SDC3: variants seen among roughly 807,000 people sequenced by gnomAD.
The protein encoded by SDC3 is syndecan 3.
A neutral mutation model predicts 24.4 loss-of-function variants in SDC3; 13 were observed. That is an observed-to-expected ratio of 0.53 (90% CI 0.35 to 0.85). The LOEUF (loss-of-function observed/expected upper bound fraction) is 0.85. Among genes scored for constraint, SDC3 ranks in the 40% least tolerant of loss-of-function variants. The pLI is 0.01. For synonymous variants in SDC3, 295 were observed against 260.9 expected, an observed-to-expected ratio of 1.13 and a Z score of -1.26; for missense variants, 571 against 584.5, an observed-to-expected ratio of 0.98 and a Z score of 0.24.
chr1:30,905,049 GTGGTGTC>G (rs1309422298), intron 1 of SDC3, among the ~76,000 whole-genome samples: 11 of 152,298 alleles, frequency 7.2e-5, no homozygotes, highest in Admixed American at 2.6e-4. Flanking sequence ...GCATACAGCT[GTGGTGTC>G]CCTGTGCCTG....
chr1:30,881,024 C>T (rs1182612096), intron 1 of SDC3, among the ~76,000 whole-genome samples: 1 of 147,678 alleles, frequency 6.8e-6, no homozygotes, highest in Admixed American at 6.7e-5. Flanking sequence ...CGCGCGCACG[C>T]ATGCACACAC....
chr1:30,876,788 G>A lies in SDC3; in HGVS notation c.634C>T (p.Leu212=). 6.3e-7 allele frequency: 1 copy of A among 1,595,684 alleles called. No homozygotes were observed. Among genetic ancestry groups the A allele is most frequent in the Non-Finnish European group, 8.6e-7 (1 of 1,169,384 alleles). The change falls in exon 3 of 5, where the codon CTG becomes TTG. Residue 212 remains leucine, a synonymous_variant. Coordinates refer to ENST00000339394, the MANE Select transcript of SDC3 (RefSeq NM_014654.4). ...GCCACTGTGGTCAGTGGGAGAGGCA[G>A]AAGCCTCCGTACGCCAGTGGTCCTT... The part of the protein sequence containing the change: ...VIRTTGVRRL[L]PLPLTTVATA...
At chr1:30,898,242 C>A (rs34418949) in intron 1 of SDC3, among the ~76,000 whole-genome samples, 4 of 152,136 alleles carry the variant, frequency 2.6e-5, no homozygotes, top group African/African-American at 4.8e-5. Flanking sequence ...TGATATACTG[C>A]GACCTTCCCC....
intron 1 of SDC3, among the ~76,000 whole-genome samples, chr1:30,892,094 C>T (rs1265762203): frequency 6.6e-6 from 1 of 151,724 alleles, no homozygotes; most frequent in Non-Finnish European, 1.5e-5. Flanking sequence ...CCCTTCTCCA[C>T]ACAGCTACAG....
chr1:30,877,694 T>A (rs1241960808), intron 2 of SDC3: 1 of 161,092 alleles, frequency 6.2e-6, no homozygotes, highest in Non-Finnish European at 1.3e-5. Flanking sequence ...GCCGGGACAG[T>A]GAAGGAACTT....
intron 1 of SDC3, among the ~76,000 whole-genome samples, chr1:30,893,303 G>GCCCCCCCCCCCC (rs59392837): frequency 1.5e-4 from 2 of 13,522 alleles, no homozygotes; most frequent in Admixed American, 9.9e-4. Context: ...CCCACCAGGA[G>GCCCCCCCCCCCC]CCCCCCCCCC....
rs1211347831 is a variant in SDC3 at position 30,891,832 on chromosome 1, G to T, written c.139-13092C>A. 4.1e-5 allele frequency among the ~76,000 whole-genome samples: 6 copies of T among 145,102 alleles called. No individual in the cohort carries two copies. The South Asian group carries it at 1.3e-3, about 32-fold the overall frequency. The stretch of plus-strand genomic sequence containing the variant: ...CACGCCACTGCACTCCAGCCTGGGC[G>T]ACACAGTGAGACGCCGTCAAAAAAA... On this transcript the variant is annotated intron_variant, in intron 1 of 4. Coordinates refer to ENST00000339394, the MANE Select transcript of SDC3 (RefSeq NM_014654.4).
intron 1 of SDC3, among the ~76,000 whole-genome samples, chr1:30,885,959 C>G (rs1279216232): frequency 6.6e-6 from 1 of 152,216 alleles, no homozygotes; most frequent in African/African-American, 2.4e-5. Flanking sequence ...ACCGCCCCAT[C>G]AATCCCAGCC....
At chr1:30,905,774 G>A (rs566617941) in intron 1 of SDC3, among the ~76,000 whole-genome samples, 1 of 152,220 alleles carries the variant, frequency 6.6e-6, no homozygotes, top group Non-Finnish European at 1.5e-5. Flanking sequence ...TAGCTGAGGT[G>A]GCCTTAAAGG....
intron 1 of SDC3, among the ~76,000 whole-genome samples, chr1:30,889,712 G>A (rs936855673): frequency 6.6e-5 from 10 of 152,200 alleles, no homozygotes; most frequent in African/African-American, 1.7e-4. Flanking sequence ...AAGCGTTGGC[G>A]AGGACGTGGG....
At chr1:30,881,759 C>G (rs1341750455) in intron 1 of SDC3, among the ~76,000 whole-genome samples, 3 of 152,176 alleles carry the variant, frequency 2.0e-5, no homozygotes, top group Admixed American at 2.0e-4. Flanking sequence ...TCACAACTGC[C>G]CAGGGTTTTA....
chr1:30,903,595 C>T (rs1361148680), intron 1 of SDC3, among the ~76,000 whole-genome samples: 1 of 152,096 alleles, frequency 6.6e-6, no homozygotes, highest in Non-Finnish European at 1.5e-5. Context: ...TGGCCAATCC[C>T]TCCCACAGGG....
chr1:30,899,886 A>G lies in SDC3; in HGVS notation c.138+8563T>C, dbSNP rs538515807. On this transcript the variant is annotated intron_variant, in intron 1 of 4. Transcript: ENST00000339394. ...TGACAGCCCCCTTGCACAGGGCTTC[A>G]TATACAGCAGGTGCTTAGTAAATGT... Among the ~76,000 whole-genome samples, 89 of 152,338 alleles carry G rather than the reference A, an allele frequency of 5.8e-4. 2 individuals are homozygous for G. The South Asian group carries it at 0.015, about 26-fold the overall frequency.
intron 1 of SDC3, among the ~76,000 whole-genome samples, chr1:30,894,253 G>GTA (rs896392897): frequency 5.0e-5 from 5 of 100,746 alleles, no homozygotes; most frequent in Non-Finnish European, 9.1e-5. Flanking sequence ...GTGTGGATGA[G>GTA]TATGTGTGTG....
chr1:30,891,308 C>G (rs1017096134), intron 1 of SDC3, among the ~76,000 whole-genome samples: 2 of 152,216 alleles, frequency 1.3e-5, no homozygotes, highest in Non-Finnish European at 2.9e-5. Flanking sequence ...TCACCCTGGC[C>G]CCATCTTCAC....
chr1:30,895,391 G>T (rs1327971734), intron 1 of SDC3, among the ~76,000 whole-genome samples: 1 of 152,148 alleles, frequency 6.6e-6, no homozygotes, highest in African/African-American at 2.4e-5. Flanking sequence ...GTCCCCACAA[G>T]CCCCCCAGCT....
In SDC3 at chr1:30,908,488, T is replaced by G. The variant is rs1450503278; in HGVS notation, c.99A>C (p.Pro33=). ...AGPGARGLLL[P]PLLLLLLAGR... ...CCGCCAGCAGCAGCAGCAGCAGCGG[T>G]GGCAGGAGCAGCCCGCGGGCCCCGG... The change falls in exon 1 of 5, where the codon CCA becomes CCC. Residue 33 remains proline (P), a synonymous_variant. Transcript: ENST00000339394. 2.0e-6 allele frequency: 2 copies of G among 1,006,572 alleles called. No individual in the cohort carries two copies. Among genetic ancestry groups the G allele is most frequent in the East Asian group, 2.2e-4 (2 of 8,964 alleles). The allele number at this position is 1,006,572 out of a possible 1,614,324, so 62.4% of individuals were successfully genotyped here.
intron 1 of SDC3, among the ~76,000 whole-genome samples, chr1:30,906,595 G>A (rs1248441427): frequency 2.0e-5 from 3 of 152,038 alleles, no homozygotes; most frequent in African/African-American, 7.2e-5. Flanking sequence ...TTTCATTCAT[G>A]TGCACACCAC....
intron 1 of SDC3, among the ~76,000 whole-genome samples, chr1:30,902,695 G>A (rs542225822): frequency 6.6e-6 from 1 of 152,310 alleles, no homozygotes; most frequent in South Asian, 2.1e-4. Context: ...CAAGCAGCTG[G>A]GCTGTAGTCC....
Sources: allele counts gnomAD v4.1 joint callset (sites outside exome capture counted in the v4.1 genomes callset), GRCh38; gene constraint gnomAD v4.1.1; transcripts MANE v1.5; gene names NCBI Gene and HGNC (gene_info 2026-07-23, HGNC 2026-07-21).